HS6ST3: variants seen among roughly 807,000 people sequenced by gnomAD.
HS6ST3 encodes heparan-sulfate 6-O-sulfotransferase 3.
In HS6ST3, 12 loss-of-function variants were observed where a neutral mutation model predicts 36.7. That is an observed-to-expected ratio of 0.33 (90% CI 0.21 to 0.53). The LOEUF (loss-of-function observed/expected upper bound fraction) is 0.53. HS6ST3 is among the 20% of genes least tolerant of loss of function. The pLI is 0.95. For missense variants in HS6ST3, 584 were observed against 640.9 expected (o/e 0.91, Z 0.96); for synonymous variants, 240 against 257.5 (o/e 0.93, Z 0.65).
At position 96,711,039 on chromosome 13, in the gene HS6ST3, G is replaced by A. The variant is rs116829504; in HGVS notation, c.708-121451G>A. On this transcript the variant is annotated intron_variant, in intron 1 of 1. Coordinates refer to ENST00000376705, the MANE Select transcript of HS6ST3 (RefSeq NM_153456.4). Reference sequence around the variant, plus strand: ...AAACAAAAAGCACCCTTTGTCCTACGTCTTCTTTTGTCCCTTTTGTACTAC... The same window carrying A: ...AAACAAAAAGCACCCTTTGTCCTACATCTTCTTTTGTCCCTTTTGTACTAC... 5.5e-3 allele frequency among the ~76,000 whole-genome samples: 841 copies of A among 152,294 alleles called. 4 individuals are homozygous for A. The highest frequency in any genetic ancestry group is 0.019 in the African/African-American group (793 of 41,568).
At chr13:96,345,684 G>C (rs2055150711) in intron 1 of HS6ST3, among the ~76,000 whole-genome samples, 1 of 152,104 alleles carries the variant, frequency 6.6e-6, no homozygotes, top group Non-Finnish European at 1.5e-5. Context: ...GATTGGGTTG[G>C]GTGGGGATGG....
At chr13:96,770,453 G>T (rs1877237158) in intron 1 of HS6ST3, among the ~76,000 whole-genome samples, 1 of 152,026 alleles carries the variant, frequency 6.6e-6, no homozygotes, top group African/African-American at 2.4e-5. Flanking sequence ...CTGCTTTTTG[G>T]AACCAAGTGA....
chr13:96,623,054 A>C (rs1318988959), intron 1 of HS6ST3, among the ~76,000 whole-genome samples: 1 of 151,964 alleles, frequency 6.6e-6, no homozygotes, highest in Non-Finnish European at 1.5e-5. Context: ...AATCCTTAGG[A>C]TCTATTATTT....
chr13:96,221,942 A>G (rs1030964902), intron 1 of HS6ST3, among the ~76,000 whole-genome samples: 1 of 152,248 alleles, frequency 6.6e-6, no homozygotes, highest in Non-Finnish European at 1.5e-5. Context: ...TAGTTGTAAT[A>G]AATGTTCTTT....
At chr13:96,311,102 G>A (rs941227390) in intron 1 of HS6ST3, among the ~76,000 whole-genome samples, 1 of 152,102 alleles carries the variant, frequency 6.6e-6, no homozygotes, top group Admixed American at 6.6e-5. Context: ...TTGATAACTG[G>A]GTTTCTTTTT....
rs1281535101 is a variant in HS6ST3, at chr13:96,754,754, C to T, written c.708-77736C>T. ...TTACCTTGTAGAAGATCTGTGCATT[C>T]TTTTTCTTTTTGATATCTTCTCCTT... On this transcript the variant is annotated intron_variant, in intron 1 of 1. Coordinates refer to ENST00000376705, the MANE Select transcript of HS6ST3 (RefSeq NM_153456.4). 2.0e-5 allele frequency among the ~76,000 whole-genome samples: 3 copies of T among 152,050 alleles called. No homozygotes were observed. In the East Asian group the frequency reaches 5.8e-4, roughly 29 times the overall value.
intron 1 of HS6ST3, among the ~76,000 whole-genome samples, chr13:96,739,081 G>C (rs780567222): frequency 6.6e-6 from 1 of 151,864 alleles, no homozygotes; most frequent in African/African-American, 2.4e-5. Context: ...TCAGGACACC[G>C]CACACATTTT....
chr13:96,261,355 G>A (rs1285772063), intron 1 of HS6ST3, among the ~76,000 whole-genome samples: 2 of 151,204 alleles, frequency 1.3e-5, no homozygotes, highest in Non-Finnish European at 2.9e-5. Context: ...ATGTAGTAAT[G>A]ATAGGCTTGA....
chr13:96,319,767 C>A (rs1215859547), intron 1 of HS6ST3, among the ~76,000 whole-genome samples: 3 of 152,280 alleles, frequency 2.0e-5, no homozygotes, highest in African/African-American at 7.2e-5. Context: ...TTTGCAGGTG[C>A]ATTTTAGGAT....
At chr13:96,274,866 CACACACACA>C (rs1337281460) in intron 1 of HS6ST3, among the ~76,000 whole-genome samples, 1 of 150,944 alleles carries the variant, frequency 6.6e-6, no homozygotes, top group Non-Finnish European at 1.5e-5. Flanking sequence ...CACACACACA[CACACACACA>C]CACACACACA....
chr13:96,741,620 G>T (rs879272390), intron 1 of HS6ST3, among the ~76,000 whole-genome samples: 2 of 152,090 alleles, frequency 1.3e-5, no homozygotes, highest in Non-Finnish European at 2.9e-5. Context: ...GAGGTTGCTT[G>T]ATAAAAATAC....
intron 1 of HS6ST3, among the ~76,000 whole-genome samples, chr13:96,446,041 C>T (rs1001857791): frequency 4.0e-5 from 6 of 151,366 alleles, no homozygotes; most frequent in African/African-American, 9.7e-5. Context: ...GGCGTGGTGG[C>T]GGGTGCCTGT....
At chr13:96,830,756 G>T (rs1159952326) in intron 1 of HS6ST3, among the ~76,000 whole-genome samples, 1 of 152,142 alleles carries the variant, frequency 6.6e-6, no homozygotes, top group South Asian at 2.1e-4. Flanking sequence ...CAGGCCTGGT[G>T]TTCTTTTCAG....
intron 1 of HS6ST3, among the ~76,000 whole-genome samples, chr13:96,739,916 G>A (rs562826320): frequency 1.3e-5 from 2 of 152,008 alleles, no homozygotes; most frequent in South Asian, 4.2e-4. Flanking sequence ...CCCACTTTTT[G>A]CTGCCACTGT....
chr13:96,609,760 A>G (rs941226672), intron 1 of HS6ST3, among the ~76,000 whole-genome samples: 1 of 152,216 alleles, frequency 6.6e-6, no homozygotes, highest in Non-Finnish European at 1.5e-5. Flanking sequence ...TCTATGAAAA[A>G]TTACCTGTAT....
intron 1 of HS6ST3, among the ~76,000 whole-genome samples, chr13:96,191,173 C>T (rs922593780): frequency 6.6e-6 from 1 of 152,164 alleles, no homozygotes; most frequent in African/African-American, 2.4e-5. Flanking sequence ...CAGTCCATGC[C>T]ATCACCATTC....
intron 1 of HS6ST3, among the ~76,000 whole-genome samples, chr13:96,134,321 C>A (rs868772285): frequency 2.0e-5 from 3 of 151,948 alleles, no homozygotes; most frequent in African/African-American, 7.2e-5. Flanking sequence ...TTTTCTAATA[C>A]TTTTAATACT....
chr13:96,564,091 A>G (rs989856623), intron 1 of HS6ST3, among the ~76,000 whole-genome samples: 3 of 152,198 alleles, frequency 2.0e-5, no homozygotes, highest in African/African-American at 7.2e-5. Flanking sequence ...TGTTCCTTGC[A>G]ATTGAAAATG....
At position 96,152,789 on chromosome 13, in the gene HS6ST3, C is replaced by T. The variant is rs535456809; in HGVS notation, c.707+61220C>T. Among the ~76,000 whole-genome samples, 6 of 152,180 alleles carry T rather than the reference C, an allele frequency of 3.9e-5. No homozygotes were observed. In the South Asian group the frequency reaches 1.0e-3, roughly 26 times the overall value. The stretch of plus-strand genomic sequence containing the variant: ...CTCTGAATGAAATTTCTAAAGCTTA[C>T]TTCTTTGGCAGTCAAGGTCATCCAT... On this transcript the variant is annotated intron_variant, in intron 1 of 1. Transcript: ENST00000376705.
Sources: gnomAD v4.1 joint callset for allele counts (sites outside exome capture counted in the v4.1 genomes callset) on GRCh38, gnomAD v4.1.1 for gene constraint, MANE v1.5 for transcripts, NCBI Gene and HGNC (gene_info 2026-07-23, HGNC 2026-07-21) for gene names.